Variants in RNF220 observed in about 807,000 individuals in gnomAD.
The protein encoded by RNF220 is ring finger protein 220, also known as E3 ubiquitin-protein ligase RNF220.
RNF220 carries 7 observed loss-of-function variants against 67.1 expected under a neutral mutation model. The observed-to-expected ratio is 0.10, with a 90% CI of 0.06 to 0.20. RNF220 has a LOEUF of 0.20. RNF220 is among the 10% of genes least tolerant of loss of function. The probability of loss-of-function intolerance (pLI) is 1.00; values close to 1 mark genes in which losing one functional copy is unlikely to be tolerated. For missense variants in RNF220, 565 were observed against 740.3 expected (o/e 0.76, Z 2.75); for synonymous variants, 270 against 283.2 (o/e 0.95, Z 0.47).
chr1:44,533,472 G>A (rs1660979744), intron 2 of RNF220, among the ~76,000 whole-genome samples: 2 of 152,200 alleles, frequency 1.3e-5, no homozygotes, highest in Admixed American at 6.5e-5. Flanking sequence ...GGGCAACAGA[G>A]TGAGACCCCG....
chr1:44,573,931 C>T (rs1253861394), intron 2 of RNF220, among the ~76,000 whole-genome samples: 2 of 151,958 alleles, frequency 1.3e-5, no homozygotes, highest in South Asian at 2.1e-4. Flanking sequence ...CTGGGCAACA[C>T]GGCACAACCC....
At position 44,529,742 on chromosome 1, in the gene RNF220, A is replaced by G. The variant is rs563791612; in HGVS notation, c.626-84423A>G. Among the ~76,000 whole-genome samples, 281 of 152,292 alleles carry G rather than the reference A, an allele frequency of 1.8e-3. 2 individuals are homozygous for G. The highest frequency in any genetic ancestry group is 6.6e-3 in the African/African-American group (273 of 41,562). On this transcript the variant is annotated intron_variant, in intron 2 of 14. Transcript: ENST00000361799. ...ACATAAAAGCACGACAGAACACTTC[A>G]TAGGCCACTTTACACAATAAAATAA...
intron 2 of RNF220, among the ~76,000 whole-genome samples, chr1:44,492,102 G>A (rs1656908237): frequency 2.6e-5 from 4 of 152,132 alleles, no homozygotes; most frequent in Admixed American, 2.6e-4. Context: ...ATTTTAAAAT[G>A]GGCAAAGAAT....
intron 2 of RNF220, among the ~76,000 whole-genome samples, chr1:44,480,901 A>G (rs1429560134): frequency 6.6e-6 from 1 of 152,146 alleles, no homozygotes. Flanking sequence ...ATAAAGTAAA[A>G]TAAAATAAAA....
intron 2 of RNF220, among the ~76,000 whole-genome samples, chr1:44,460,765 C>T (rs1268477292): frequency 6.6e-6 from 1 of 152,192 alleles, no homozygotes; most frequent in Non-Finnish European, 1.5e-5. Context: ...GCCTCACATG[C>T]TAGCAATTCT....
intron 2 of RNF220, among the ~76,000 whole-genome samples, chr1:44,548,581 C>T (rs1662364353): frequency 6.6e-6 from 1 of 152,126 alleles, no homozygotes; most frequent in African/African-American, 2.4e-5. Flanking sequence ...ACAGCCTCGA[C>T]CTCCAGGACT....
At position 44,635,436 on chromosome 1, in the gene RNF220, A is replaced by T. The variant is rs1012957979; in HGVS notation, c.950-109A>T. ...GAGGGCCAGATCAGGCACTGAATAA[A>T]AAGGCCAATGGCTGGCAAGAGGTCA... On this transcript the variant is annotated intron_variant, in intron 6 of 14. Coordinates refer to ENST00000361799, the MANE Select transcript of RNF220 (RefSeq NM_018150.4). 4.0e-6 allele frequency: 6 copies of T among 1,507,770 alleles called. No homozygotes were observed. The African/African-American group carries it at 8.3e-5, about 21-fold the overall frequency. The allele number at this position is 1,507,770 out of a possible 1,614,324, so 93.4% of individuals were successfully genotyped here.
In RNF220 at chr1:44,636,116, A is replaced by G; in HGVS notation, c.1080A>G (p.Gly360=). The G allele has an allele frequency of 3.7e-6, 6 of 1,613,488 alleles. No individual in the cohort carries two copies. The highest frequency in any genetic ancestry group is 5.1e-6 in the Non-Finnish European group (6 of 1,179,480). ...GCTTTGAGGAGTATGAGTGGTGTGG[A>G]CAGAAGCGGATACGGGCCACCACTC... ...NNRFEEYEWC[G]QKRIRATTLL... The change falls in exon 8 of 15, where the codon GGA becomes GGG. Residue 360 remains glycine (G), a synonymous_variant. Coordinates refer to ENST00000361799, the MANE Select transcript of RNF220 (RefSeq NM_018150.4).
intron 2 of RNF220, among the ~76,000 whole-genome samples, chr1:44,492,105 C>T (rs1656908755): frequency 6.6e-6 from 1 of 152,162 alleles, no homozygotes; most frequent in Non-Finnish European, 1.5e-5. Flanking sequence ...TTAAAATGGG[C>T]AAAGAATCTG....
chr1:44,443,445 G>A (rs1412497071), intron 2 of RNF220, among the ~76,000 whole-genome samples: 2 of 152,112 alleles, frequency 1.3e-5, no homozygotes, highest in Admixed American at 6.5e-5. Flanking sequence ...TCTGGCATTA[G>A]CATCTGCTGT....
intron 2 of RNF220, among the ~76,000 whole-genome samples, chr1:44,422,881 C>T (rs1177172634): frequency 2.6e-5 from 4 of 152,160 alleles, no homozygotes; most frequent in Admixed American, 6.5e-5. Context: ...ATAAAACTGT[C>T]GCAGAGTATG....
Position 44,651,189 on chromosome 1 carries a change from C to A in RNF220, c.*414C>A. ...ACAATGTTGTGTATAAATGGGACAA[C>A]TCCTCGCCCTCTACCTGTCCCCTCC... On this transcript the variant is annotated 3_prime_UTR_variant, in exon 15 of 15. Coordinates refer to ENST00000361799, the MANE Select transcript of RNF220 (RefSeq NM_018150.4). 1 of 207,972 alleles carries A rather than the reference C, an allele frequency of 4.8e-6. No individual in the cohort carries two copies. Among genetic ancestry groups the A allele is most frequent in the Non-Finnish European group, 1.0e-5 (1 of 97,744 alleles). 12.9% of individuals were successfully genotyped at this position (207,972 alleles called of 1,614,324 possible). A position where few individuals can be genotyped will look rare whatever the true frequency, so the allele number is the denominator to read the frequency against.
chr1:44,529,903 A>T (rs1353077688), intron 2 of RNF220, among the ~76,000 whole-genome samples: 1 of 151,770 alleles, frequency 6.6e-6, no homozygotes, highest in Non-Finnish European at 1.5e-5. Context: ...ATACAAAAAA[A>T]ATTAGCAGGG....
At chr1:44,555,550 C>A (rs1663005137) in intron 2 of RNF220, among the ~76,000 whole-genome samples, 1 of 152,072 alleles carries the variant, frequency 6.6e-6, no homozygotes, top group Non-Finnish European at 1.5e-5. Flanking sequence ...TCTTGGCTCA[C>A]TGCAAGCTCC....
chr1:44,422,887 G>C (rs2147841027), intron 2 of RNF220, among the ~76,000 whole-genome samples: 1 of 152,330 alleles, frequency 6.6e-6, no homozygotes, highest in East Asian at 1.9e-4. Context: ...CTGTCGCAGA[G>C]TATGTGAGAC....
At chr1:44,611,715 G>A (rs993098576) in intron 2 of RNF220, among the ~76,000 whole-genome samples, 1 of 150,906 alleles carries the variant, frequency 6.6e-6, no homozygotes, top group Non-Finnish European at 1.5e-5. Flanking sequence ...CTGCAGTCAC[G>A]GGCTCTCTTT....
intron 1 of RNF220, among the ~76,000 whole-genome samples, chr1:44,411,536 G>A (rs114288827): frequency 0.012 from 1,783 of 152,228 alleles, 36 homozygotes; most frequent in African/African-American, 0.04. Context: ...GATGAAGAGA[G>A]GATGCATATG....
At chr1:44,632,547 TCA>T (rs1644191739) in intron 6 of RNF220, 162 bp downstream of exon 6, 1 of 706,064 alleles carries the variant, frequency 1.4e-6, no homozygotes, top group East Asian at 2.7e-5. Context: ...GCTGCCGCTC[TCA>T]GTTTCCCCGT....
chr1:44,564,311 C>T (rs575301370), intron 2 of RNF220, among the ~76,000 whole-genome samples: 4 of 152,136 alleles, frequency 2.6e-5, no homozygotes, highest in Non-Finnish European at 5.9e-5. Context: ...GTGGGCTGAA[C>T]GTTGGACTCC....
Sources: allele counts gnomAD v4.1 joint callset (sites outside exome capture counted in the v4.1 genomes callset), GRCh38; gene constraint gnomAD v4.1.1; transcripts MANE v1.5; gene names NCBI Gene and HGNC (gene_info 2026-07-23, HGNC 2026-07-21).